Variants in GPC5 observed in about 807,000 individuals in gnomAD.
The protein encoded by GPC5 is glypican 5, also known as glypican-5.
A neutral mutation model predicts 53.9 loss-of-function variants in GPC5; 47 were observed. The ratio of observed to expected loss-of-function variants is 0.87; its 90% CI spans 0.69 to 1.11. GPC5 has a LOEUF of 1.11. Among genes scored for constraint, GPC5 ranks in the 50% most tolerant of loss-of-function variants. GPC5 has a pLI of 0.00. For missense variants in GPC5, 748 were observed against 713.1 expected, an observed-to-expected ratio of 1.05 and a Z score of -0.56; for synonymous variants, 286 against 263.3, an observed-to-expected ratio of 1.09 and a Z score of -0.84.
chr13:91,934,083 A>G (rs1333377800), intron 6 of GPC5, among the ~76,000 whole-genome samples: 1 of 151,832 alleles, frequency 6.6e-6, no homozygotes, highest in Admixed American at 6.6e-5. Context: ...TTTAAAAGTT[A>G]TTAAGGAATT....
At chr13:92,006,103 T>A (rs1345711654) in intron 6 of GPC5, among the ~76,000 whole-genome samples, 4 of 152,204 alleles carry the variant, frequency 2.6e-5, no homozygotes, top group Non-Finnish European at 5.9e-5. Flanking sequence ...ATAAAAAGTA[T>A]CTTACACCAC....
intron 7 of GPC5, among the ~76,000 whole-genome samples, chr13:92,396,685 C>T (rs970190413): frequency 2.0e-5 from 3 of 152,108 alleles, no homozygotes; most frequent in African/African-American, 7.2e-5. Context: ...TGATAGTTAC[C>T]TTGACTCTTT....
intron 7 of GPC5, among the ~76,000 whole-genome samples, chr13:92,454,874 A>C (rs935713751): frequency 6.6e-6 from 1 of 152,226 alleles, no homozygotes; most frequent in African/African-American, 2.4e-5. Flanking sequence ...GCTTAAAAAA[A>C]TGCATTATAA....
chr13:91,782,796 C>T (rs1178888113), intron 5 of GPC5, among the ~76,000 whole-genome samples: 1 of 152,030 alleles, frequency 6.6e-6, no homozygotes. Context: ...ATAAAAGAAT[C>T]AACTCCAGTT....
chr13:91,542,464 G>A (rs962901423), intron 2 of GPC5, among the ~76,000 whole-genome samples: 2 of 152,196 alleles, frequency 1.3e-5, no homozygotes, highest in Non-Finnish European at 2.9e-5. Context: ...CGTGAACTAT[G>A]TCAGTGTAAT....
intron 7 of GPC5, among the ~76,000 whole-genome samples, chr13:92,647,742 TTTAA>T (rs1484105842): frequency 6.6e-6 from 1 of 152,186 alleles, no homozygotes; most frequent in Non-Finnish European, 1.5e-5. Context: ...ACATGGTATC[TTTAA>T]TTGAGAATAA....
intron 7 of GPC5, among the ~76,000 whole-genome samples, chr13:92,631,520 A>G (rs936568559): frequency 1.3e-5 from 2 of 152,186 alleles, no homozygotes; most frequent in African/African-American, 4.8e-5. Flanking sequence ...ATGGAAGATG[A>G]TATCAGAAGA....
intron 7 of GPC5, chr13:92,447,895 A>G (rs1359685002): frequency 1.3e-5 from 2 of 152,174 alleles, no homozygotes; most frequent in Non-Finnish European, 2.9e-5. Flanking sequence ...ACTATGATTT[A>G]TCTAAGAACA....
intron 7 of GPC5, among the ~76,000 whole-genome samples, chr13:92,354,781 A>G (rs2043508712): frequency 6.6e-6 from 1 of 152,144 alleles, no homozygotes; most frequent in African/African-American, 2.4e-5. Context: ...AGAGCATTCC[A>G]GGCATAAGTA....
At chr13:91,943,904 A>G (rs1418224315) in intron 6 of GPC5, among the ~76,000 whole-genome samples, 1 of 152,016 alleles carries the variant, frequency 6.6e-6, no homozygotes, top group African/African-American at 2.4e-5. Flanking sequence ...GATTTCTGGT[A>G]TTCTATGGCA....
At chr13:92,827,551 T>C (rs1014337862) in intron 7 of GPC5, among the ~76,000 whole-genome samples, 1 of 152,084 alleles carries the variant, frequency 6.6e-6, no homozygotes, top group African/African-American at 2.4e-5. Flanking sequence ...GAGATAACAG[T>C]GAGGGAGAGG....
At chr13:91,907,201 C>T (rs2039562272) in intron 5 of GPC5, among the ~76,000 whole-genome samples, 1 of 148,896 alleles carries the variant, frequency 6.7e-6, no homozygotes, top group Non-Finnish European at 1.5e-5. Flanking sequence ...TGCCAAATCC[C>T]TAATGGATAC....
intron 2 of GPC5, among the ~76,000 whole-genome samples, chr13:91,689,184 A>AAT (rs1169911890): frequency 0.071 from 3,489 of 49,356 alleles, 147 homozygotes; most frequent in Non-Finnish European, 0.087. Context: ...ATCATATATA[A>AAT]ATATATATAT....
chr13:92,418,647 C>G (rs1029584285), intron 7 of GPC5, among the ~76,000 whole-genome samples: 1 of 152,074 alleles, frequency 6.6e-6, no homozygotes, highest in African/African-American at 2.4e-5. Flanking sequence ...TTATCTTTAG[C>G]TTGATGGCAT....
chr13:92,728,578 A>G (rs1888711367), intron 7 of GPC5, among the ~76,000 whole-genome samples: 1 of 136,878 alleles, frequency 7.3e-6, no homozygotes, highest in South Asian at 2.7e-4. Context: ...TTCCACTTCT[A>G]GGAAAACGGG....
At chr13:92,696,271 CCACT>C (rs1217314061) in intron 7 of GPC5, among the ~76,000 whole-genome samples, 3 of 151,900 alleles carry the variant, frequency 2.0e-5, no homozygotes, top group African/African-American at 7.3e-5. Context: ...AGGAATCATC[CCACT>C]GTCTTCCACA....
At chr13:92,060,747 C>T (rs1334079343) in intron 6 of GPC5, among the ~76,000 whole-genome samples, 1 of 149,922 alleles carries the variant, frequency 6.7e-6, no homozygotes, top group African/African-American at 2.5e-5. Context: ...ACATACAATG[C>T]TTGTCAAATT....
intron 2 of GPC5, among the ~76,000 whole-genome samples, chr13:91,646,685 G>T (rs1268728075): frequency 6.6e-6 from 1 of 152,048 alleles, no homozygotes; most frequent in African/African-American, 2.4e-5. Flanking sequence ...ACATAGAAAG[G>T]TTGATTCTAC....
chr13:92,514,614 G>A (rs1426291977), intron 7 of GPC5, among the ~76,000 whole-genome samples: 1 of 152,134 alleles, frequency 6.6e-6, no homozygotes, highest in African/African-American at 2.4e-5. Flanking sequence ...AGGTAATAGT[G>A]GCAAGCAGAG....
Sources: gnomAD v4.1 joint callset for allele counts (sites outside exome capture counted in the v4.1 genomes callset) on GRCh38, gnomAD v4.1.1 for gene constraint, MANE v1.5 for transcripts, NCBI Gene and HGNC (gene_info 2026-07-23, HGNC 2026-07-21) for gene names.